MTMR10: variants seen among roughly 807,000 people sequenced by gnomAD.
The protein encoded by MTMR10 is myotubularin related protein 10.
Under a neutral mutation model 88.1 loss-of-function variants are expected in MTMR10, and 56 were observed. That is an observed-to-expected ratio of 0.64 (90% CI 0.51 to 0.79). The LOEUF (loss-of-function observed/expected upper bound fraction) is 0.79. Ranked by LOEUF, MTMR10 falls within the 30% of genes least tolerant of loss-of-function variation. The pLI is 0.00. For missense variants in MTMR10, 883 were observed against 924.7 expected (o/e 0.95, Z 0.58); for synonymous variants, 380 against 340.9 (o/e 1.11, Z -1.26).
the MTMR10 span, chr15:30,920,631 T>G: frequency 6.2e-7 from 1 of 1,608,742 alleles, no homozygotes; most frequent in Non-Finnish European, 8.5e-7. Flanking sequence ...GTGGAAATAC[T>G]GCAGAGACTT....
intron 7 of MTMR10, among the ~76,000 whole-genome samples, chr15:30,960,121 A>G (rs1268121786): frequency 6.6e-6 from 1 of 152,216 alleles, no homozygotes. Context: ...AACAATAGCA[A>G]TCCTTAGTGA....
Position 30,941,784 on chromosome 15 carries a change from C to A in MTMR10, c.2020G>T (p.Gly674Cys). Residue 674 changes from glycine to cysteine, a missense_variant, in exon 16 of 16, where the codon GGC becomes TGC. By Grantham distance (159) the Gly-to-Cys change is radical. Transcript: ENST00000435680. The part of the protein sequence containing the change: ...WVPEAQISLG[G>C]SITAFHKLSL... ...AGCTTGTGAAAGGCTGTGATGGAGC[C>A]ACCCAGGCTGATCTGGGCCTCGGGA... The A allele has an allele frequency of 6.2e-7, 1 of 1,614,010 alleles. No individual in the cohort carries two copies. The highest frequency in any genetic ancestry group is 8.5e-7 in the Non-Finnish European group (1 of 1,179,874).
At position 30,991,492 on chromosome 15, in the gene MTMR10, C is replaced by T. The variant is rs748604918; in HGVS notation, c.15G>A (p.Lys5=). Residue 5 remains lysine, a synonymous_variant, in exon 1 of 16, where the codon AAG becomes AAA. Transcript: ENST00000435680. ...AGGACCTGAAGGTGGGTTTGGGCGG[C>T]TTGAGGGAGAACATGGTGCCGCCGC... is the stretch of plus-strand genomic sequence containing the variant. The part of the protein sequence containing the change: MFSL[K]PPKPTFRSYL... The T allele has an allele frequency of 2.0e-6, 3 of 1,524,288 alleles. No homozygotes were observed. The highest frequency in any genetic ancestry group is 1.7e-4 in the Middle Eastern group (1 of 5,778). The allele number at this position is 1,524,288 out of a possible 1,614,324, so 94.4% of individuals were successfully genotyped here. A position where few individuals can be genotyped will look rare whatever the true frequency, so the allele number is the denominator to read the frequency against.
chr15:30,971,253 T>G (rs2141042588), intron 5 of MTMR10, among the ~76,000 whole-genome samples: 1 of 152,284 alleles, frequency 6.6e-6, no homozygotes, highest in South Asian at 2.1e-4. Context: ...ATGGCAAATA[T>G]TTTATTGGAG....
chr15:30,931,801 G>A, the MTMR10 span, among the ~76,000 whole-genome samples: 1 of 152,008 alleles, frequency 6.6e-6, no homozygotes, highest in African/African-American at 2.4e-5. Flanking sequence ...CTTGATTATT[G>A]TAGCTTTAGA....
intron 5 of MTMR10, among the ~76,000 whole-genome samples, chr15:30,969,016 A>G (rs2141038253): frequency 1.3e-5 from 2 of 152,280 alleles, no homozygotes; most frequent in Middle Eastern, 6.8e-3. Context: ...AATTTTATTT[A>G]GAAGGTAAAG....
Position 30,947,187 on chromosome 15 carries a change from GATCCGGGTGCTGTCATACAAC to G in MTMR10, c.1470_1490del (p.Leu491_Ile497del). 1 of 1,613,998 alleles carries G rather than the reference GATCCGGGTGCTGTCATACAAC, an allele frequency of 6.2e-7. No homozygotes were observed. Among genetic ancestry groups the G allele is most frequent in the Non-Finnish European group, 8.5e-7 (1 of 1,179,892 alleles). On this transcript the variant is annotated inframe_deletion, in exon 14 of 16. Transcript: ENST00000435680. ...TGAACAGGAAGGTGCCAAACAGTGAGATCCGGGTGCTGTCATACAACACTGCCAGGTAGGTTTCGGAGAACT... is the reference window on the plus strand; with the variant it reads ...TGAACAGGAAGGTGCCAAACAGTGAGACTGCCAGGTAGGTTTCGGAGAACT...
chr15:30,973,573 G>C (rs987276035), intron 5 of MTMR10, among the ~76,000 whole-genome samples: 3 of 152,010 alleles, frequency 2.0e-5, no homozygotes, highest in Non-Finnish European at 4.4e-5. Context: ...AGAAAGCCAC[G>C]TCCTATTATA....
At chr15:30,942,353 G>A in intron 15 of MTMR10, 1 of 470,010 alleles carries the variant, frequency 2.1e-6, no homozygotes. Context: ...TCTAAGACGG[G>A]CTAGAAAAAA....
At chr15:30,933,683 C>A in the MTMR10 span, among the ~76,000 whole-genome samples, 1 of 151,112 alleles carries the variant, frequency 6.6e-6, no homozygotes, top group African/African-American at 2.4e-5. Context: ...TTACTGATTT[C>A]TTATTTACTT....
chr15:30,984,336 GGTATAA>G (rs1366884429), intron 2 of MTMR10, among the ~76,000 whole-genome samples: 2 of 152,146 alleles, frequency 1.3e-5, no homozygotes, highest in Non-Finnish European at 2.9e-5. Context: ...CTACGGGTAA[GGTATAA>G]AGCTAATGCT....
intron 15 of MTMR10, chr15:30,942,369 G>A: frequency 2.2e-6 from 1 of 452,798 alleles, no homozygotes; most frequent in Non-Finnish European, 3.9e-6. Flanking sequence ...AAAAACACTA[G>A]ACCTGGCCGA....
chr15:30,942,357 G>A, intron 15 of MTMR10: 2 of 466,548 alleles, frequency 4.3e-6, no homozygotes, highest in Non-Finnish European at 7.6e-6. Context: ...AGACGGGCTA[G>A]AAAAAACACT....
the MTMR10 span, among the ~76,000 whole-genome samples, chr15:30,933,494 A>G: frequency 3.3e-5 from 5 of 152,170 alleles, no homozygotes; most frequent in Non-Finnish European, 7.4e-5. Context: ...CATATTTTGT[A>G]TGATTTGAAT....
chr15:30,949,926 A>C (rs932655329), intron 12 of MTMR10: 1 of 152,246 alleles, frequency 6.6e-6, no homozygotes, highest in African/African-American at 2.4e-5. Flanking sequence ...ATCTAGAGAC[A>C]GAAAGATTAG....
chr15:30,959,167 G>A (rs1342612045), intron 7 of MTMR10, 46 bp from the exon 8 acceptor site: 10 of 1,476,194 alleles, frequency 6.8e-6, no homozygotes, highest in Non-Finnish European at 9.3e-6. Flanking sequence ...CTAAAAGCAG[G>A]AATAGTGTGC....
At chr15:30,978,686 C>T (rs1487778659) in intron 2 of MTMR10, among the ~76,000 whole-genome samples, 1 of 152,130 alleles carries the variant, frequency 6.6e-6, no homozygotes, top group Non-Finnish European at 1.5e-5. Context: ...AAAGGATTTG[C>T]ACCCAAAGAG....
At chr15:30,950,634 C>T (rs1366750386) in intron 12 of MTMR10, among the ~76,000 whole-genome samples, 1 of 150,880 alleles carries the variant, frequency 6.6e-6, no homozygotes, top group African/African-American at 2.4e-5. Context: ...CGTTCCACTG[C>T]ACTCCAGCCT....
chr15:30,951,824 G>A (rs2063251374), intron 12 of MTMR10, 144 bp downstream of exon 12: 1 of 706,454 alleles, frequency 1.4e-6, no homozygotes, highest in East Asian at 2.7e-5. Context: ...CTCAAATGAT[G>A]TGCAAAATCT....
Sources: allele counts gnomAD v4.1 joint callset (sites outside exome capture counted in the v4.1 genomes callset), GRCh38; gene constraint gnomAD v4.1.1; transcripts MANE v1.5; gene names NCBI Gene and HGNC (gene_info 2026-07-23, HGNC 2026-07-21).